PIWIL4: variants seen among roughly 807,000 people sequenced by gnomAD.
PIWIL4 encodes piwi like RNA-mediated gene silencing 4.
A neutral mutation model predicts 100.9 loss-of-function variants in PIWIL4; 50 were observed. The observed-to-expected ratio is 0.50, with a 90% CI of 0.39 to 0.63. PIWIL4 has a LOEUF of 0.63. Among genes scored for constraint, PIWIL4 ranks in the 20% least tolerant of loss-of-function variants. PIWIL4 has a pLI of 0.00. For synonymous variants in PIWIL4, 342 were observed against 367.5 expected (o/e 0.93, Z 0.79); for missense variants, 887 against 1,043.3 (o/e 0.85, Z 2.06).
chr11:94,615,411 A>G (rs1280086010), intron 15 of PIWIL4, among the ~76,000 whole-genome samples: 1 of 152,160 alleles, frequency 6.6e-6, no homozygotes, highest in Non-Finnish European at 1.5e-5. Context: ...TCTTTAATGC[A>G]TCCATTCTCT....
chr11:94,569,364 TG>T (rs1442262701), intron 2 of PIWIL4, among the ~76,000 whole-genome samples: 103 of 136,372 alleles, frequency 7.6e-4, no homozygotes, highest in Non-Finnish European at 1.6e-3. Flanking sequence ...CATTATCTTT[TG>T]TTTTTTTTTT....
intron 17 of PIWIL4, among the ~76,000 whole-genome samples, chr11:94,618,795 A>C (rs1939137): frequency 0.061 from 9,217 of 152,270 alleles, 535 homozygotes; most frequent in East Asian, 0.19. Context: ...GTAGGGTTAC[A>C]TCATCATCAT....
intron 5 of PIWIL4, among the ~76,000 whole-genome samples, chr11:94,584,086 C>G (rs945986373): frequency 3.9e-5 from 6 of 152,202 alleles, no homozygotes; most frequent in African/African-American, 1.4e-4. Context: ...GGATCACATA[C>G]TCCAGCGTCT....
At chr11:94,572,209 T>G (rs943328231) in intron 2 of PIWIL4, among the ~76,000 whole-genome samples, 9 of 152,244 alleles carry the variant, frequency 5.9e-5, no homozygotes, top group Non-Finnish European at 1.3e-4. Context: ...GATGGGTAGA[T>G]TGCAAAAATT....
chr11:94,597,688 ATGC>A, intron 10 of PIWIL4, 113 bp from the exon 11 acceptor site: 1 of 671,194 alleles, frequency 1.5e-6, no homozygotes, highest in Non-Finnish European at 2.5e-6. Flanking sequence ...GGGAAAAAAT[ATGC>A]TGAGTAGAAT....
chr11:94,602,089 T>G, intron 12 of PIWIL4, 110 bp downstream of exon 12: 1 of 1,012,262 alleles, frequency 9.9e-7, no homozygotes, highest in East Asian at 2.5e-5. Context: ...TTTCCTAATG[T>G]AAAGTGCCAA....
chr11:94,597,584 G>T (rs1037953737), intron 10 of PIWIL4, among the ~76,000 whole-genome samples: 5 of 152,266 alleles, frequency 3.3e-5, no homozygotes, highest in Middle Eastern at 3.4e-3. Context: ...TGGCTCGAAA[G>T]CTTATTTTTC....
At chr11:94,585,576 A>T in intron 6 of PIWIL4, 51 bp downstream of exon 6, 4 of 1,371,200 alleles carry the variant, frequency 2.9e-6, no homozygotes, top group Non-Finnish European at 4.1e-6. Context: ...AATGTGAGCA[A>T]CATAATTTAT....
intron 8 of PIWIL4, among the ~76,000 whole-genome samples, chr11:94,590,146 G>A (rs1948463611): frequency 6.6e-6 from 1 of 152,170 alleles, no homozygotes; most frequent in South Asian, 2.1e-4. Flanking sequence ...GCTAACTTTA[G>A]AAAGTCATTT....
chr11:94,617,716 G>C (rs1948861496), intron 16 of PIWIL4: 2 of 443,180 alleles, frequency 4.5e-6, no homozygotes, highest in Non-Finnish European at 7.9e-6. Context: ...GATAGGCCAA[G>C]TTTAAGAATA....
intron 15 of PIWIL4, among the ~76,000 whole-genome samples, chr11:94,611,997 T>G (rs2135299485): frequency 6.6e-6 from 1 of 152,336 alleles, no homozygotes; most frequent in Admixed American, 6.5e-5. Flanking sequence ...TTGGAGAATG[T>G]TCCATGTGTG....
intron 8 of PIWIL4, among the ~76,000 whole-genome samples, chr11:94,593,072 C>T (rs11020850): frequency 0.053 from 8,075 of 152,262 alleles, 256 homozygotes; most frequent in Middle Eastern, 0.099. Context: ...TTTGGGAAAT[C>T]TGAGATTGTC....
intron 2 of PIWIL4, among the ~76,000 whole-genome samples, chr11:94,571,312 T>G (rs1948149804): frequency 6.6e-6 from 1 of 152,206 alleles, no homozygotes; most frequent in Non-Finnish European, 1.5e-5. Context: ...ATACTTTAAG[T>G]TCAAGGGTAC....
intron 2 of PIWIL4, among the ~76,000 whole-genome samples, chr11:94,571,293 T>C (rs1419150292): frequency 6.6e-6 from 1 of 152,204 alleles, no homozygotes; most frequent in Non-Finnish European, 1.5e-5. Flanking sequence ...TTCTTATTTA[T>C]TTTTTATTAT....
At position 94,577,480 on chromosome 11, in the gene PIWIL4, G is replaced by A; in HGVS notation, c.501G>A (p.Lys167=). Residue 167 remains lysine (K), a synonymous_variant, in exon 4 of 20, where the codon AAG becomes AAA. Coordinates refer to ENST00000299001, the MANE Select transcript of PIWIL4 (RefSeq NM_152431.3). ...GTGCCATCCTTTTTCTGTCACAAAA[G>A]CTAGAAGAAAAGGTATAGTATGATT... ...FDGAILFLSQ[K]LEEKVTELSS... 1 of 1,612,918 alleles carries A rather than the reference G, an allele frequency of 6.2e-7. No homozygotes were observed. The highest frequency in any genetic ancestry group is 1.1e-5 in the South Asian group (1 of 91,004).
Position 94,577,263 on chromosome 11 carries a change from G to T in PIWIL4, c.299-15G>T, listed in dbSNP as rs1007235890. On this transcript the variant is annotated splice_polypyrimidine_tract_variant and intron_variant, in intron 3 of 19. Transcript: ENST00000299001. Reference sequence around the variant, plus strand: ...TTTCCTGATTAAAAAATTGTTTTTTGTTTGTCTTCTTCAGGTTCCAGTGGA... The same window carrying T: ...TTTCCTGATTAAAAAATTGTTTTTTTTTTGTCTTCTTCAGGTTCCAGTGGA... 1 of 1,589,154 alleles carries T rather than the reference G, an allele frequency of 6.3e-7. No individual in the cohort carries two copies. The highest frequency in any genetic ancestry group is 1.8e-5 in the Admixed American group (1 of 56,424).
chr11:94,577,633 A>G, intron 4 of PIWIL4, 141 bp downstream of exon 4: 1 of 740,276 alleles, frequency 1.4e-6, no homozygotes, highest in Non-Finnish European at 2.0e-6. Context: ...AATTTAAAAA[A>G]CTACCTTTAT....
At chr11:94,594,237 C>T (rs1470013848) in intron 9 of PIWIL4, among the ~76,000 whole-genome samples, 6 of 151,970 alleles carry the variant, frequency 3.9e-5, no homozygotes, top group African/African-American at 7.2e-5. Context: ...GAGGCCAAGG[C>T]GGGCGGATCA....
chr11:94,619,168 CCAGAGGA>C (rs1297900477), intron 17 of PIWIL4, among the ~76,000 whole-genome samples: 1 of 151,474 alleles, frequency 6.6e-6, no homozygotes, highest in Non-Finnish European at 1.5e-5. Context: ...TCCTTACATC[CCAGAGGA>C]TGTAAGGATG....
Sources: allele counts gnomAD v4.1 joint callset (sites outside exome capture counted in the v4.1 genomes callset), GRCh38; gene constraint gnomAD v4.1.1; transcripts MANE v1.5; gene names NCBI Gene and HGNC (gene_info 2026-07-23, HGNC 2026-07-21).